The following DOCK10 variants were observed in gnomAD, a reference collection of about 807,000 sequenced individuals.
The protein encoded by DOCK10 is dedicator of cytokinesis 10, also known as dedicator of cytokinesis protein 10.
DOCK10 carries 145 observed loss-of-function variants against 280.1 expected under a neutral mutation model. That is an observed-to-expected ratio of 0.52 (90% CI 0.45 to 0.59). The LOEUF is 0.59. Ranked by LOEUF, DOCK10 falls within the 20% of genes least tolerant of loss-of-function variation. The pLI, the probability that DOCK10 is intolerant of heterozygous loss-of-function variation, is 0.00. For synonymous variants in DOCK10, 915 were observed against 942.2 expected (o/e 0.97, Z 0.53); for missense variants, 2,368 against 2,651.7 (o/e 0.89, Z 2.35).
chr2:224,796,005 AG>A (rs1692544321), intron 44 of DOCK10, among the ~76,000 whole-genome samples: 1 of 150,258 alleles, frequency 6.7e-6, no homozygotes, highest in Non-Finnish European at 1.5e-5. Flanking sequence ...GTTTACTTTG[AG>A]GAGTGCTCAA....
In DOCK10 at chr2:224,853,002, A is replaced by G; in HGVS notation, c.2009T>C (p.Val670Ala). Residue 670 changes from valine to alanine, a missense_variant, in exon 17 of 56, where the codon GTA becomes GCA. Transcript: ENST00000258390. ...GTAAATATAAATTTGATTTTTATAT[A>G]CTCTGTAAGGCCGACAATACTTTGT... ...DSTKYCRPYR[V>A]YKNQIYIYPK... 6.2e-7 allele frequency: 1 copy of G among 1,611,804 alleles called. No individual in the cohort carries two copies. Among genetic ancestry groups the G allele is most frequent in the Non-Finnish European group, 8.5e-7 (1 of 1,178,504 alleles).
intron 15 of DOCK10, 137 bp downstream of exon 15, chr2:224,856,723 A>G: frequency 1.4e-6 from 1 of 701,876 alleles, no homozygotes; most frequent in Non-Finnish European, 2.2e-6. Flanking sequence ...CTATTTGGGC[A>G]TATGTGAAGT....
chr2:225,018,881 TTATA>T (rs1053334347), intron 1 of DOCK10, among the ~76,000 whole-genome samples: 8 of 147,100 alleles, frequency 5.4e-5, no homozygotes, highest in African/African-American at 1.8e-4. Context: ...ATGTATATCA[TTATA>T]TATGTGTATA....
chr2:224,857,822 A>G (rs1697244905), intron 14 of DOCK10, among the ~76,000 whole-genome samples: 1 of 151,858 alleles, frequency 6.6e-6, no homozygotes, highest in Admixed American at 6.6e-5. Flanking sequence ...GTAATGTTTT[A>G]TCACTCTTTA....
chr2:225,028,002 G>A (rs1365450569), intron 1 of DOCK10, among the ~76,000 whole-genome samples: 1 of 152,214 alleles, frequency 6.6e-6, no homozygotes, highest in African/African-American at 2.4e-5. Flanking sequence ...CTCGGGAAGA[G>A]TTAGTCCTTT....
chr2:224,947,145 C>G (rs1703466136), intron 1 of DOCK10: 1 of 956,656 alleles, frequency 1.0e-6, no homozygotes, highest in South Asian at 2.2e-5. Flanking sequence ...AACTAACTAC[C>G]AGCTGTTCAG....
At chr2:224,792,352 T>C (rs1451331064) in intron 47 of DOCK10, among the ~76,000 whole-genome samples, 1 of 152,154 alleles carries the variant, frequency 6.6e-6, no homozygotes, top group Non-Finnish European at 1.5e-5. Context: ...GGTGCTATCT[T>C]GGCTCACTGC....
chr2:225,006,856 C>A (rs998276970), intron 1 of DOCK10, among the ~76,000 whole-genome samples: 3 of 152,120 alleles, frequency 2.0e-5, no homozygotes, highest in Non-Finnish European at 2.9e-5. Flanking sequence ...GAAATAAAAT[C>A]CCCAGTTTTA....
intron 1 of DOCK10, among the ~76,000 whole-genome samples, chr2:224,936,035 G>A (rs1428573883): frequency 6.6e-6 from 1 of 152,176 alleles, no homozygotes; most frequent in Non-Finnish European, 1.5e-5. Context: ...AATGAGTGAA[G>A]ACTCCAGAGC....
At chr2:224,887,718 C>G (rs1261940328) in intron 4 of DOCK10, among the ~76,000 whole-genome samples, 1 of 152,136 alleles carries the variant, frequency 6.6e-6, no homozygotes, top group Non-Finnish European at 1.5e-5. Flanking sequence ...GGGAGGGATA[C>G]ATGTAGATAG....
At position 225,003,714 on chromosome 2, in the gene DOCK10, C is replaced by T. The variant is rs982480258; in HGVS notation, c.123+38538G>A. Reference sequence around the variant, plus strand: ...GATGTTTCATTAGCATCCCTGATCCCTAATGGCCATCCTATCTCTTAAACC... The same window carrying T: ...GATGTTTCATTAGCATCCCTGATCCTTAATGGCCATCCTATCTCTTAAACC... On this transcript the variant is annotated intron_variant, in intron 1 of 55. Transcript: ENST00000258390. Among the ~76,000 whole-genome samples, 5 of 152,174 alleles carry T rather than the reference C, an allele frequency of 3.3e-5. No homozygotes were observed. The East Asian group carries it at 9.6e-4, about 29-fold the overall frequency.
chr2:224,798,311 G>C (rs1692730363), intron 41 of DOCK10, among the ~76,000 whole-genome samples: 1 of 152,144 alleles, frequency 6.6e-6, no homozygotes, highest in African/African-American at 2.4e-5. Context: ...ACTGTCCTGT[G>C]GGGGAGAAAC....
At chr2:224,832,730 G>A (rs760015222) in intron 26 of DOCK10, among the ~76,000 whole-genome samples, 5 of 152,136 alleles carry the variant, frequency 3.3e-5, no homozygotes, top group African/African-American at 4.8e-5. Flanking sequence ...TTGAGCCATC[G>A]TGTCAAGTGT....
chr2:224,938,743 A>G (rs1323401193), intron 1 of DOCK10, among the ~76,000 whole-genome samples: 1 of 152,208 alleles, frequency 6.6e-6, no homozygotes, highest in African/African-American at 2.4e-5. Context: ...GTTTAAAACA[A>G]ATGAGAAGAT....
At chr2:224,783,059 T>C (rs1043127097) in intron 50 of DOCK10, among the ~76,000 whole-genome samples, 3 of 152,188 alleles carry the variant, frequency 2.0e-5, no homozygotes, top group African/African-American at 7.2e-5. Flanking sequence ...TTGAATCCCA[T>C]AGTTCTCACT....
At chr2:224,796,152 C>T (rs1389611465) in intron 44 of DOCK10, among the ~76,000 whole-genome samples, 164 bp downstream of exon 44, 1 of 152,002 alleles carries the variant, frequency 6.6e-6, no homozygotes, top group Non-Finnish European at 1.5e-5. Context: ...TCAACTCAAA[C>T]TCCTGGCCTC....
At chr2:224,905,234 ATTTTTTT>A (rs201582173) in intron 3 of DOCK10, among the ~76,000 whole-genome samples, 2 of 111,548 alleles carry the variant, frequency 1.8e-5, no homozygotes, top group Non-Finnish European at 3.5e-5. Context: ...CTATGGAACT[ATTTTTTT>A]TTTTTTTTTT....
chr2:224,860,237 T>G (rs1466766227), intron 14 of DOCK10, among the ~76,000 whole-genome samples: 2 of 152,176 alleles, frequency 1.3e-5, no homozygotes, highest in Admixed American at 1.3e-4. Context: ...GGATTGTCAC[T>G]TCTCCTAACT....
chr2:225,009,797 G>A (rs573867950), intron 1 of DOCK10, among the ~76,000 whole-genome samples: 20 of 152,278 alleles, frequency 1.3e-4, no homozygotes, highest in African/African-American at 4.8e-4. Flanking sequence ...TAGTACGCTG[G>A]AGTCCTACTC....
Sources: gnomAD v4.1 joint callset for allele counts (sites outside exome capture counted in the v4.1 genomes callset) on GRCh38, gnomAD v4.1.1 for gene constraint, MANE v1.5 for transcripts, NCBI Gene and HGNC (gene_info 2026-07-23, HGNC 2026-07-21) for gene names.